The following FCSK variants were observed in gnomAD, a reference collection of about 807,000 sequenced individuals.
FCSK encodes L-fucose kinase.
Under a neutral mutation model 122.5 loss-of-function variants are expected in FCSK, and 123 were observed. The ratio of observed to expected loss-of-function variants is 1.00; its 90% CI spans 0.87 to 1.17. The LOEUF (loss-of-function observed/expected upper bound fraction) is 1.17, where lower values mean the gene tolerates loss of function less well. Among genes scored for constraint, FCSK ranks in the 50% most tolerant of loss-of-function variants. The pLI is 0.00. For missense variants in FCSK, 1,366 were observed against 1,450.4 expected (o/e 0.94, Z 0.95); for synonymous variants, 620 against 625.5 (o/e 0.99, Z 0.13).
In FCSK at chr16:70,475,401, C is replaced by G; in HGVS notation, c.2429C>G (p.Ser810Trp). 6.2e-7 allele frequency: 1 copy of G among 1,610,340 alleles called. No individual in the cohort carries two copies. The highest frequency in any genetic ancestry group is 8.5e-7 in the Non-Finnish European group (1 of 1,179,742). Residue 810 changes from serine to tryptophan, a missense_variant, in exon 19 of 24, where the codon TCG becomes TGG. Coordinates refer to ENST00000288078, the MANE Select transcript of FCSK (RefSeq NM_145059.3). ...TGTGCAGGGATCGTGCATGTCCACT[C>G]GGAACTCCAGCTGAGTGAGCAGCTG... ...FICAGIVHVH[S>W]ELQLSEQLLR...
In FCSK at chr16:70,468,985, A is replaced by C. The variant is rs908170684; in HGVS notation, c.783+17A>C. 1.9e-6 allele frequency: 3 copies of C among 1,612,052 alleles called. No individual in the cohort carries two copies. The highest frequency in any genetic ancestry group is 2.5e-6 in the Non-Finnish European group (3 of 1,179,882). The stretch of plus-strand genomic sequence containing the variant: ...CCTGTCCAGGTGACTGGGGGAGGGC[A>C]GCTAGGTGGGGCCTGGCTTGGGGGC... On this transcript the variant is annotated intron_variant, in intron 9 of 23. Coordinates refer to ENST00000288078, the MANE Select transcript of FCSK (RefSeq NM_145059.3).
chr16:70,471,464 G>A (rs911823987), intron 13 of FCSK, 112 bp downstream of exon 13: 2 of 1,121,618 alleles, frequency 1.8e-6, no homozygotes, highest in East Asian at 2.6e-5. Flanking sequence ...CGTGGGACAG[G>A]CTGTGAGGAG....
intron 20 of FCSK, 65 bp downstream of exon 20, chr16:70,475,832 G>A (rs1037634912): frequency 7.2e-5 from 105 of 1,451,112 alleles, no homozygotes; most frequent in Non-Finnish European, 9.4e-5. Flanking sequence ...CGGGGGGAGT[G>A]GGGCTCCCCT....
intron 13 of FCSK, among the ~76,000 whole-genome samples, chr16:70,472,170 C>A (rs948104558): frequency 6.6e-6 from 1 of 152,112 alleles, no homozygotes; most frequent in African/African-American, 2.4e-5. Flanking sequence ...GGGAGGTAAC[C>A]CGCCTTGGGC....
At chr16:70,463,367 G>A in intron 2 of FCSK, 95 bp downstream of exon 2, 1 of 1,108,836 alleles carries the variant, frequency 9.0e-7, no homozygotes. Context: ...GCCAACCTGG[G>A]TTCAAACCCA....
Position 70,478,307 on chromosome 16 carries a change from C to T in FCSK, c.2677C>T (p.Pro893Ser). ...GCAGGACCAAGTAGGTGGCCTAATG[C>T]CTGGCATCAAGGTGGGGCGCTCCCG... ...GWQDQVGGLM[P>S]GIKVGRSRAQ... The change falls in exon 21 of 24, where the codon CCT becomes TCT. Residue 893 changes from proline to serine, a missense_variant. Coordinates refer to ENST00000288078, the MANE Select transcript of FCSK (RefSeq NM_145059.3). The T allele has an allele frequency of 6.2e-7, 1 of 1,614,164 alleles. No homozygotes were observed. The highest frequency in any genetic ancestry group is 8.5e-7 in the Non-Finnish European group (1 of 1,180,030).
intron 1 of FCSK, chr16:70,458,064 G>A (rs1474337742): frequency 7.1e-6 from 1 of 140,648 alleles, no homozygotes; most frequent in Admixed American, 6.6e-5. Flanking sequence ...AGGGTCTAAG[G>A]GTGTTGTCAA....
chr16:70,470,212 TCATGGCCACACCTGCCCC>T, intron 10 of FCSK, 84 bp from the exon 11 acceptor site: 1 of 748,000 alleles, frequency 1.3e-6, no homozygotes, highest in Non-Finnish European at 2.3e-6. Context: ...CCTAACAGGC[TCATGGCCACACCTGCCCC>T]CATGTGTCTC....
intron 3 of FCSK, among the ~76,000 whole-genome samples, chr16:70,464,251 G>T (rs2048349773): frequency 6.6e-6 from 1 of 152,178 alleles, no homozygotes; most frequent in South Asian, 2.1e-4. Context: ...TCTGCAGAGG[G>T]AGATGGCACC....
In FCSK at chr16:70,463,282, T is replaced by C. The variant is rs1289195895; in HGVS notation, c.82+10T>C. 2 of 1,608,326 alleles carry C rather than the reference T, an allele frequency of 1.2e-6. No homozygotes were observed. Among genetic ancestry groups the C allele is most frequent in the South Asian group, 1.1e-5 (1 of 90,888 alleles). On this transcript the variant is annotated intron_variant, in intron 2 of 23. Transcript: ENST00000288078. The stretch of plus-strand genomic sequence containing the variant: ...CAGGTCTTTCAGAGAGGTAGGGGAC[T>C]CCCCTTCCCACCTTGCCCCTAATGG...
At chr16:70,477,556 G>A (rs2048855836) in intron 20 of FCSK, 1 of 152,192 alleles carries the variant, frequency 6.6e-6, no homozygotes, top group Non-Finnish European at 1.5e-5. Context: ...GGAAAGATGT[G>A]TAAGTTAGAT....
At chr16:70,459,447 A>C (rs983566561) in intron 1 of FCSK, among the ~76,000 whole-genome samples, 2 of 152,004 alleles carry the variant, frequency 1.3e-5, no homozygotes, top group African/African-American at 4.8e-5. Flanking sequence ...TGAGGCAGGG[A>C]GAATTGCTTG....
chr16:70,454,703 G>A (rs1315609251), intron 1 of FCSK, 73 bp downstream of exon 1: 4 of 147,120 alleles, frequency 2.7e-5, no homozygotes, highest in Admixed American at 6.6e-5. Context: ...TCAGCTTTCC[G>A]GTGCACCCTC....
chr16:70,466,574 G>A, intron 5 of FCSK: 1 of 505,470 alleles, frequency 2.0e-6, no homozygotes, highest in Admixed American at 3.4e-5. Flanking sequence ...GCATGCACTT[G>A]TAGTCCCAGC....
chr16:70,475,041 G>A (rs773610377), intron 18 of FCSK, 30 bp downstream of exon 18: 1 of 1,554,852 alleles, frequency 6.4e-7, no homozygotes, highest in South Asian at 1.2e-5. Context: ...CTGCAGGTGG[G>A]GCTGGCCAGC....
rs150229990 is a variant in FCSK at position 70,479,066 on chromosome 16, C to T, written c.2930-114C>T. 1.1e-3 allele frequency: 912 copies of T among 835,296 alleles called. 7 individuals are homozygous for T. The Middle Eastern group carries it at 0.011, about 10-fold the overall frequency. The allele number at this position is 835,296 out of a possible 1,614,324, so 51.7% of individuals were successfully genotyped here. ...CCTGGCTCCAGCCGGCACTGGAATC[C>T]GGCTTCTTTACCATGACACTGGCTC... On this transcript the variant is annotated intron_variant, in intron 22 of 23. Transcript: ENST00000288078.
At position 70,479,286 on chromosome 16, in the gene FCSK, G is replaced by C. The variant is rs767581800; in HGVS notation, c.3036G>C (p.Leu1012=). 3 of 1,614,028 alleles carry C rather than the reference G, an allele frequency of 1.9e-6. No homozygotes were observed. The Admixed American group carries it at 5.0e-5, about 27-fold the overall frequency. Residue 1012 remains leucine, a synonymous_variant, in exon 23 of 24, where the codon CTG becomes CTC. Coordinates refer to ENST00000288078, the MANE Select transcript of FCSK (RefSeq NM_145059.3). ...PLTVRRMMDV[L]APHVHGQSLA... ...CTGTGCGGCGTATGATGGATGTCCT[G>C]GCCCCCCACGTGCATGGCCAGAGCC...
At position 70,474,934 on chromosome 16, in the gene FCSK, G is replaced by A. The variant is rs572464313; in HGVS notation, c.2300G>A (p.Arg767Gln). The A allele has an allele frequency of 2.5e-5, 40 of 1,611,400 alleles. No homozygotes were observed. In the Middle Eastern group the frequency reaches 6.7e-4, roughly 27 times the overall value. ...GAGCTGTGGCTGGCGGTGGGGCCTC[G>A]GCAGGATGAGATGACTGTGAAGATA... is the stretch of plus-strand genomic sequence containing the variant. ...EPELWLAVGP[R>Q]QDEMTVKIVC... The change falls in exon 18 of 24, where the codon CGG becomes CAG. Residue 767 changes from arginine (R) to glutamine (Q), a missense_variant. Arg to Gln is a conservative substitution (Grantham distance 43, BLOSUM62 1). Coordinates refer to ENST00000288078, the MANE Select transcript of FCSK (RefSeq NM_145059.3).
rs762807369 is a variant in FCSK, at chr16:70,467,440, A to T, written c.551A>T (p.Gln184Leu). 4.5e-5 allele frequency: 72 copies of T among 1,609,196 alleles called. 1 individual carries two copies. The highest frequency in any genetic ancestry group is 3.9e-5 in the Non-Finnish European group (46 of 1,178,204). Residue 184 changes from glutamine to leucine, a missense_variant, in exon 7 of 24, where the codon CAG becomes CTG. By Grantham distance (113) the Gln-to-Leu change is moderately radical (BLOSUM62 -2). Transcript: ENST00000288078. ...CTCCCAGGGAGCCCGGCCTACGCTC[A>T]GAATCATGGCGTCTACCTAACTGAC... ...IALPGSPAYA[Q>L]NHGVYLTDPQ...
Sources: gnomAD v4.1 joint callset for allele counts (sites outside exome capture counted in the v4.1 genomes callset) on GRCh38, gnomAD v4.1.1 for gene constraint, MANE v1.5 for transcripts, NCBI Gene and HGNC (gene_info 2026-07-23, HGNC 2026-07-21) for gene names.